The following NEK10 variants were observed in gnomAD, a reference collection of about 807,000 sequenced individuals.
NEK10 encodes the protein serine/threonine-protein kinase Nek10.
Under a neutral mutation model 159.8 loss-of-function variants are expected in NEK10, and 122 were observed. That is an observed-to-expected ratio of 0.76 (90% CI 0.66 to 0.89). NEK10 has a LOEUF of 0.89. Ranked by LOEUF, NEK10 falls within the 40% of genes least tolerant of loss-of-function variation. The pLI, the probability that NEK10 is intolerant of heterozygous loss-of-function variation, is 0.00. For missense variants in NEK10, 1,342 were observed against 1,323.1 expected (o/e 1.01, Z -0.22); for synonymous variants, 466 against 457.1 (o/e 1.02, Z -0.25).
At chr3:27,284,762 A>T (rs1316223203) in intron 21 of NEK10, 58 bp from the exon 22 acceptor site, 2 of 1,522,062 alleles carry the variant, frequency 1.3e-6, no homozygotes, top group East Asian at 4.5e-5. Flanking sequence ...ATAGCCAAAG[A>T]TGACTACTGC....
chr3:27,135,327 C>T (rs1227304631), intron 31 of NEK10, among the ~76,000 whole-genome samples: 1 of 152,090 alleles, frequency 6.6e-6, no homozygotes, highest in Non-Finnish European at 1.5e-5. Context: ...CATAAGCTCC[C>T]CCATCTTACA....
intron 5 of NEK10, among the ~76,000 whole-genome samples, chr3:27,333,440 T>A (rs933171814): frequency 6.6e-6 from 1 of 150,972 alleles, no homozygotes; most frequent in Non-Finnish European, 1.5e-5. Context: ...TAGCTATTTG[T>A]GAGTCTGAGG....
Position 27,135,463 on chromosome 3 carries a change from T to C in NEK10, c.2971-3473A>G, listed in dbSNP as rs375183707. Reference sequence around the variant, plus strand: ...ACAAAATAATGAAAGCCGATCTGCATGTTTTATACTAGGTTTTCTCAAACT... The same window carrying C: ...ACAAAATAATGAAAGCCGATCTGCACGTTTTATACTAGGTTTTCTCAAACT... On this transcript the variant is annotated intron_variant, in intron 31 of 35. Transcript: ENST00000691995. Among the ~76,000 whole-genome samples the C allele has an allele frequency of 1.8e-4, 28 of 152,320 alleles. No homozygotes were observed. The East Asian group carries it at 5.2e-3, about 28-fold the overall frequency.
At chr3:27,324,338 G>C (rs1183181918) in intron 5 of NEK10, among the ~76,000 whole-genome samples, 1 of 152,192 alleles carries the variant, frequency 6.6e-6, no homozygotes, top group African/African-American at 2.4e-5. Flanking sequence ...CAAAGAGTTG[G>C]AGCAACAGAG....
chr3:27,366,177 G>A (rs577631896), intron 1 of NEK10, among the ~76,000 whole-genome samples: 1 of 152,158 alleles, frequency 6.6e-6, no homozygotes, highest in Admixed American at 6.5e-5. Flanking sequence ...ATTAATTCAT[G>A]TAATGTTCAC....
chr3:27,343,102 C>T (rs1007891502), intron 5 of NEK10, among the ~76,000 whole-genome samples: 2 of 152,106 alleles, frequency 1.3e-5, no homozygotes, highest in Non-Finnish European at 2.9e-5. Context: ...ATCATCTGAG[C>T]CAGTCTAATA....
At chr3:27,244,059 G>A (rs751854268) in intron 23 of NEK10, among the ~76,000 whole-genome samples, 1 of 152,108 alleles carries the variant, frequency 6.6e-6, no homozygotes, top group African/African-American at 2.4e-5. Flanking sequence ...TCAAGTAACT[G>A]TCAGGCTGAG....
At chr3:27,361,237 A>T (rs1363244794) in intron 1 of NEK10, among the ~76,000 whole-genome samples, 1 of 152,118 alleles carries the variant, frequency 6.6e-6, no homozygotes, top group African/African-American at 2.4e-5. Flanking sequence ...GATCCCCTCC[A>T]TTGTCATTGC....
In NEK10 at chr3:27,111,123, C is replaced by T; in HGVS notation, c.*149G>A. The T allele has an allele frequency of 1.6e-6, 1 of 621,010 alleles. No individual in the cohort carries two copies. Among genetic ancestry groups the T allele is most frequent in the Non-Finnish European group, 2.8e-6 (1 of 359,072 alleles). The allele number at this position is 621,010 out of a possible 1,614,324, so 38.5% of individuals were successfully genotyped here. A position where few individuals can be genotyped will look rare whatever the true frequency, so the allele number is the denominator to read the frequency against. On this transcript the variant is annotated 3_prime_UTR_variant, in exon 36 of 36. Coordinates refer to ENST00000691995, the MANE Select transcript of NEK10 (RefSeq NM_001394966.1). ...CTGTCATATACTCCAGCACAGGACC[C>T]CCAGAAAGAAGTCCTGCAGGCCCCA...
At chr3:27,226,353 T>TAAAA (rs201744080) in intron 23 of NEK10, among the ~76,000 whole-genome samples, 1 of 150,414 alleles carries the variant, frequency 6.6e-6, no homozygotes, top group African/African-American at 2.4e-5. Context: ...CCACAGTTTT[T>TAAAA]AAAAAAAAGA....
chr3:27,262,599 T>G (rs930925667), intron 22 of NEK10, among the ~76,000 whole-genome samples: 6 of 152,252 alleles, frequency 3.9e-5, no homozygotes, highest in Non-Finnish European at 5.9e-5. Flanking sequence ...CCATCACTGA[T>G]ACCTTTTCTT....
chr3:27,319,742 AGTT>A (rs35613152), intron 6 of NEK10, among the ~76,000 whole-genome samples: 33,737 of 152,166 alleles, frequency 0.22, 4,220 homozygotes, highest in Middle Eastern at 0.37. Context: ...AGGGAAGTAG[AGTT>A]GCGGGATAAC....
intron 23 of NEK10, among the ~76,000 whole-genome samples, chr3:27,228,075 T>C (rs1481996983): frequency 1.3e-5 from 2 of 152,234 alleles, no homozygotes; most frequent in African/African-American, 2.4e-5. Context: ...GAGAAAACGA[T>C]CACCAATGAA....
chr3:27,285,674 A>G (rs372264169), intron 20 of NEK10, among the ~76,000 whole-genome samples: 2 of 152,312 alleles, frequency 1.3e-5, no homozygotes, highest in African/African-American at 4.8e-5. Context: ...CCTCCTCTAA[A>G]ACCAATAGGG....
At chr3:27,284,563 G>T in intron 22 of NEK10, 39 bp downstream of exon 22, 2 of 1,133,562 alleles carry the variant, frequency 1.8e-6, no homozygotes, top group Non-Finnish European at 2.7e-6. Flanking sequence ...TAGTATTCAG[G>T]AATTCTTCAG....
At chr3:27,269,749 C>T (rs542184540) in intron 22 of NEK10, among the ~76,000 whole-genome samples, 1 of 152,210 alleles carries the variant, frequency 6.6e-6, no homozygotes, top group African/African-American at 2.4e-5. Flanking sequence ...ATATGCTATT[C>T]CTGTGTTCTT....
intron 23 of NEK10, among the ~76,000 whole-genome samples, chr3:27,213,299 G>C (rs1951180669): frequency 6.6e-6 from 1 of 152,172 alleles, no homozygotes; most frequent in South Asian, 2.1e-4. Context: ...GGGGAATAAA[G>C]AAAGAAGGGG....
At position 27,352,449 on chromosome 3, in the gene NEK10, T is replaced by G; in HGVS notation, c.132+16A>C. 1 of 1,587,512 alleles carries G rather than the reference T, an allele frequency of 6.3e-7. No homozygotes were observed. The highest frequency in any genetic ancestry group is 8.6e-7 in the Non-Finnish European group (1 of 1,156,102). On this transcript the variant is annotated intron_variant, in intron 3 of 35. Coordinates refer to ENST00000691995, the MANE Select transcript of NEK10 (RefSeq NM_001394966.1). The stretch of plus-strand genomic sequence containing the variant: ...TTTTCTTTTATTACCAAGTGAACAT[T>G]CTTTGAAAACGCTACCTGTTGTTTG...
chr3:27,192,113 C>A lies in NEK10; in HGVS notation c.2421G>T (p.Arg807=), dbSNP rs1247961920. 6.2e-7 allele frequency: 1 copy of A among 1,614,064 alleles called. No individual in the cohort carries two copies. Among genetic ancestry groups the A allele is most frequent in the Non-Finnish European group, 8.5e-7 (1 of 1,180,044 alleles). The change falls in exon 26 of 36, where the codon CGG becomes CGT. Residue 807 remains arginine (R), a synonymous_variant. Coordinates refer to ENST00000691995, the MANE Select transcript of NEK10 (RefSeq NM_001394966.1). ...AATACCTTTGTGTGCGTCTTCGTTC[C>A]CGTTCTAGCTTCTTTTCCAAGGACA... ...SQLSLEKKLE[R]ERRRTQRYFM...
Sources: gnomAD v4.1 joint callset for allele counts (sites outside exome capture counted in the v4.1 genomes callset) on GRCh38, gnomAD v4.1.1 for gene constraint, MANE v1.5 for transcripts, NCBI Gene and HGNC (gene_info 2026-07-23, HGNC 2026-07-21) for gene names.